The following UGT2B11 variants were observed in gnomAD, a reference collection of about 807,000 sequenced individuals.
UGT2B11 encodes the protein UDP glucuronosyltransferase family 2 member B11, also known as UDP-glucuronosyltransferase 2B11.
A neutral mutation model predicts 51.7 loss-of-function variants in UGT2B11; 49 were observed. That is an observed-to-expected ratio of 0.95 (90% CI 0.75 to 1.20). UGT2B11 has a LOEUF of 1.20. Ranked by LOEUF, UGT2B11 falls within the 50% of genes most tolerant of loss-of-function variation. The probability of loss-of-function intolerance (pLI) is 0.00; values close to 1 mark genes in which losing one functional copy is unlikely to be tolerated. For synonymous variants in UGT2B11, 273 were observed against 209.0 expected (o/e 1.31, Z -2.64); for missense variants, 810 against 622.1 (o/e 1.30, Z -3.21).
At chr4:69,208,227 C>A in intron 3 of UGT2B11, 124 bp downstream of exon 3, 3 of 1,530,588 alleles carry the variant, frequency 2.0e-6, no homozygotes, top group Non-Finnish European at 2.6e-6. Context: ...GCAACATAAG[C>A]ATATTTAAGG....
At chr4:69,207,891 T>A (rs568362280) in intron 3 of UGT2B11, among the ~76,000 whole-genome samples, 1 of 151,646 alleles carries the variant, frequency 6.6e-6, no homozygotes, top group Non-Finnish European at 1.5e-5. Context: ...AAAATGATCA[T>A]AAGTCTTCCT....
upstream of UGT2B11, among the ~76,000 whole-genome samples, chr4:69,217,761 G>T (rs1337099125): frequency 6.6e-6 from 1 of 151,822 alleles, no homozygotes; most frequent in Non-Finnish European, 1.5e-5. Context: ...GCATGCTCAG[G>T]GTGCTATATA....
chr4:69,212,595 T>G lies in UGT2B11; in HGVS notation c.848A>C (p.Lys283Thr), dbSNP rs1444953112. 2.5e-6 allele frequency: 4 copies of G among 1,608,446 alleles called. No individual in the cohort carries two copies. The highest frequency in any genetic ancestry group is 3.4e-5 in the Admixed American group (2 of 59,468). ...TACCTTAGGTAGGGGTTTGGCAGGT[T>G]TGCAGTGGAATCCTCCAACAAAATC... ...NVDFVGGFHCKPAKPLPKEME... is the reference protein window; with the variant it reads ...NVDFVGGFHCTPAKPLPKEME... The change falls in exon 2 of 6, where the codon AAA (lysine) becomes ACA (threonine). Residue 283 changes from lysine to threonine, a missense_variant. By Grantham distance (78) the Lys-to-Thr change is moderately conservative. Coordinates refer to ENST00000446444, the MANE Select transcript of UGT2B11 (RefSeq NM_001073.3).
At chr4:69,218,243 C>T (rs977720053), upstream of UGT2B11, among the ~76,000 whole-genome samples, 8 of 151,842 alleles carry the variant, frequency 5.3e-5, no homozygotes, top group Admixed American at 1.3e-4. Context: ...TAATATGTAC[C>T]AAGAGAGGTC....
the UGT2B11 span, among the ~76,000 whole-genome samples, chr4:69,223,487 C>T: frequency 6.6e-6 from 1 of 152,148 alleles, no homozygotes; most frequent in African/African-American, 2.4e-5. Context: ...ACCCACTGAC[C>T]ACTAAATGGA....
intron 3 of UGT2B11, 76 bp from the exon 4 acceptor site, chr4:69,205,643 T>C (rs1721824513): frequency 1.0e-5 from 15 of 1,493,958 alleles, no homozygotes; most frequent in African/African-American, 1.4e-5. Flanking sequence ...GTAGAAAGCA[T>C]AGGAATGAGA....
rs1722170915 is a variant in UGT2B11, at chr4:69,214,036, CAT to C, written c.685_686del (p.Met229GlufsTer9). ...YFDFWFQMSD[M>X]KKWDQFYSEV... is the part of the protein sequence containing the mutation. Reference sequence around the variant, plus strand: ...CACTGTAAAACTGATCCCACTTCTTCATATCAGACATTTGGAACCAAAAGTCA... The same window carrying C: ...CACTGTAAAACTGATCCCACTTCTTCATCAGACATTTGGAACCAAAAGTCA... On this transcript the variant is annotated frameshift_variant, in exon 1 of 6. Coordinates refer to ENST00000446444, the MANE Select transcript of UGT2B11 (RefSeq NM_001073.3). LOFTEE classifies it high-confidence loss of function. The C allele has an allele frequency of 6.3e-7, 1 of 1,598,472 alleles. No individual in the cohort carries two copies. Among genetic ancestry groups the C allele is most frequent in the Non-Finnish European group, 8.5e-7 (1 of 1,173,236 alleles).
chr4:69,208,177 CACTAAGTCTG>C (rs1368778157), intron 3 of UGT2B11, among the ~76,000 whole-genome samples, 164 bp downstream of exon 3: 1 of 151,494 alleles, frequency 6.6e-6, no homozygotes, highest in African/African-American at 2.4e-5. Context: ...CACATGTAAC[CACTAAGTCTG>C]AGGCACAACT....
intron 5 of UGT2B11, among the ~76,000 whole-genome samples, chr4:69,203,005 C>T (rs186001055): frequency 3.3e-5 from 5 of 151,558 alleles, no homozygotes; most frequent in Admixed American, 2.6e-4. Flanking sequence ...GGGGAGTGAA[C>T]AAAATCAATT....
chr4:69,204,468 G>C lies in UGT2B11; in HGVS notation c.1272C>G (p.Asp424Glu). 1.2e-6 allele frequency: 2 copies of C among 1,612,004 alleles called. No individual in the cohort carries two copies. Among genetic ancestry groups the C allele is most frequent in the Non-Finnish European group, 1.7e-6 (2 of 1,178,666 alleles). Residue 424 changes from aspartate to glutamate, a missense_variant, in exon 5 of 6, where the codon GAC becomes GAG. By Grantham distance (45) the Asp-to-Glu change is conservative (BLOSUM62 2). Coordinates refer to ENST00000446444, the MANE Select transcript of UGT2B11 (RefSeq NM_001073.3). ...RLDFNTMSSTDLLNALKTVIN... is the reference protein window; with the variant it reads ...RLDFNTMSSTELLNALKTVIN... The stretch of plus-strand genomic sequence containing the variant: ...TTACTGTCTTCAGTGCATTCAGCAG[G>C]TCTGTACTCGACATTGTGTTGAAGT...
In UGT2B11 at chr4:69,214,077, A is replaced by G. The variant is rs754745945; in HGVS notation, c.646T>C (p.Tyr216His). 8.7e-6 allele frequency: 14 copies of G among 1,610,818 alleles called. No homozygotes were observed. Among genetic ancestry groups the G allele is most frequent in the Admixed American group, 1.7e-5 (1 of 59,476 alleles). The change falls in exon 1 of 6, where the codon TAT becomes CAT. Residue 216 changes from tyrosine (Y) to histidine (H), a missense_variant. Physicochemically the swap from Tyr to His is moderately conservative, Grantham distance 83. Coordinates refer to ENST00000446444, the MANE Select transcript of UGT2B11 (RefSeq NM_001073.3). ...AACCAAAAGTCAAAATAAAGCACATAGATCATATTTTTTACCCTCTCCATG... is the reference window on the plus strand; with the variant it reads ...AACCAAAAGTCAAAATAAAGCACATGGATCATATTTTTTACCCTCTCCATG... ...TFMERVKNMI[Y>H]VLYFDFWFQM...
Position 69,214,589 on chromosome 4 carries a change from T to C in UGT2B11, c.134A>G (p.Glu45Gly). ...HWMNMKTILK[E>G]LVQRGHEVTV... Reference sequence around the variant, plus strand: ...CACCTCATGACCTCTCTGAACAAGCTCTTTCAGGATTGTCTTCATATTCAT... The same window carrying C: ...CACCTCATGACCTCTCTGAACAAGCCCTTTCAGGATTGTCTTCATATTCAT... Residue 45 changes from glutamate (E) to glycine (G), a missense_variant, in exon 1 of 6, where the codon GAG becomes GGG. Coordinates refer to ENST00000446444, the MANE Select transcript of UGT2B11 (RefSeq NM_001073.3). The C allele has an allele frequency of 1.2e-6, 2 of 1,613,258 alleles. No homozygotes were observed. The highest frequency in any genetic ancestry group is 1.7e-6 in the Non-Finnish European group (2 of 1,179,446).
At chr4:69,215,759 T>C (rs1242767969), upstream of UGT2B11, 1 of 151,956 alleles carries the variant, frequency 6.6e-6, no homozygotes, top group African/African-American at 2.4e-5. Flanking sequence ...GGTTTCAATG[T>C]CTCCACAACC....
chr4:69,223,657 A>G, the UGT2B11 span, among the ~76,000 whole-genome samples: 1 of 152,152 alleles, frequency 6.6e-6, no homozygotes, highest in Non-Finnish European at 1.5e-5. Flanking sequence ...AAATCTCTGA[A>G]TTAGCAACAG....
chr4:69,209,560 G>T (rs1721981715), intron 2 of UGT2B11, among the ~76,000 whole-genome samples: 1 of 151,282 alleles, frequency 6.6e-6, no homozygotes, highest in Admixed American at 6.6e-5. Context: ...TTTCCAAATG[G>T]TTTTTAACAA....
At chr4:69,224,305 C>G in the UGT2B11 span, among the ~76,000 whole-genome samples, 1 of 152,024 alleles carries the variant, frequency 6.6e-6, no homozygotes, top group African/African-American at 2.4e-5. Flanking sequence ...TTTGGAGGGG[C>G]CATGGTCTCA....
chr4:69,215,802 A>T (rs563459118), upstream of UGT2B11: 4 of 152,040 alleles, frequency 2.6e-5, no homozygotes, highest in African/African-American at 9.7e-5. Context: ...TAACCAAAAA[A>T]GTTATTTTTT....
chr4:69,204,307 T>A (rs927608170), intron 5 of UGT2B11, 123 bp downstream of exon 5: 59 of 1,400,586 alleles, frequency 4.2e-5, no homozygotes, highest in Non-Finnish European at 5.6e-5. Flanking sequence ...AGATTTCAGA[T>A]TGGTTATATC....
intron 3 of UGT2B11, among the ~76,000 whole-genome samples, chr4:69,206,551 C>T (rs923232211): frequency 4.0e-5 from 6 of 151,352 alleles, no homozygotes; most frequent in Non-Finnish European, 8.9e-5. Context: ...AGTGATGACA[C>T]AATCAGTACA....
Sources: allele counts gnomAD v4.1 joint callset (sites outside exome capture counted in the v4.1 genomes callset), GRCh38; gene constraint gnomAD v4.1.1; transcripts MANE v1.5; gene names NCBI Gene and HGNC (gene_info 2026-07-23, HGNC 2026-07-21).